The following CGNL1 variants were observed in gnomAD, a reference collection of about 807,000 sequenced individuals.
The protein encoded by CGNL1 is cingulin like 1, also known as cingulin-like protein 1.
In CGNL1, 132 loss-of-function variants were observed where a neutral mutation model predicts 141.2. That is an observed-to-expected ratio of 0.93 (90% CI 0.81 to 1.08). The LOEUF (loss-of-function observed/expected upper bound fraction) is 1.08. Among genes scored for constraint, CGNL1 ranks in the 50% least tolerant of loss-of-function variants. CGNL1 has a pLI of 0.00. For missense variants in CGNL1, 1,870 were observed against 1,588.6 expected, an observed-to-expected ratio of 1.18 and a Z score of -3.01; for synonymous variants, 690 against 622.1, an observed-to-expected ratio of 1.11 and a Z score of -1.63.
intron 1 of CGNL1, among the ~76,000 whole-genome samples, chr15:57,383,196 C>G (rs1371877339): frequency 4.0e-5 from 6 of 151,538 alleles, no homozygotes; most frequent in Admixed American, 2.0e-4. Flanking sequence ...TGGAGAGGAC[C>G]TGATAAAGAA....
chr15:57,505,767 C>A (rs114482025), intron 8 of CGNL1, among the ~76,000 whole-genome samples: 1 of 152,204 alleles, frequency 6.6e-6, no homozygotes, highest in Admixed American at 6.5e-5. Context: ...GCTTTCTATA[C>A]GGAAATTTGG....
At chr15:57,453,036 G>T (rs771636519) in intron 6 of CGNL1, among the ~76,000 whole-genome samples, 31 of 152,280 alleles carry the variant, frequency 2.0e-4, no homozygotes, top group African/African-American at 6.5e-4. Flanking sequence ...AAAATATAGG[G>T]TATAGTAAAA....
At chr15:57,423,909 G>A (rs1474893033) in intron 1 of CGNL1, among the ~76,000 whole-genome samples, 2 of 152,220 alleles carry the variant, frequency 1.3e-5, no homozygotes, top group Non-Finnish European at 2.9e-5. Flanking sequence ...TTGCTGCGGG[G>A]CTGCAGAGCC....
chr15:57,544,427 G>C lies in CGNL1; in HGVS notation c.3376-46G>C, dbSNP rs761516191. 1.1e-5 allele frequency: 17 copies of C among 1,611,884 alleles called. No homozygotes were observed. The Admixed American group carries it at 2.8e-4, about 27-fold the overall frequency. On this transcript the variant is annotated intron_variant, in intron 15 of 18. Coordinates refer to ENST00000281282, the MANE Select transcript of CGNL1 (RefSeq NM_032866.5). ...CATATTCTTCGCTGCTCTGCACAGA[G>C]CGTGGCAGACACATAGCCCCTCACA... is the stretch of plus-strand genomic sequence containing the variant.
chr15:57,514,888 C>G (rs1159769805), intron 8 of CGNL1, among the ~76,000 whole-genome samples: 1 of 152,068 alleles, frequency 6.6e-6, no homozygotes, highest in Non-Finnish European at 1.5e-5. Context: ...TCTTGGCACC[C>G]TTGTTGAAAA....
intron 1 of CGNL1, among the ~76,000 whole-genome samples, chr15:57,432,892 G>T (rs1383672905): frequency 6.6e-6 from 1 of 152,212 alleles, no homozygotes; most frequent in Non-Finnish European, 1.5e-5. Flanking sequence ...AGCTAAGATT[G>T]TAATAAGCCA....
Position 57,542,740 on chromosome 15 carries a change from C to G in CGNL1, c.3292-956C>G, listed in dbSNP as rs143435820. The stretch of plus-strand genomic sequence containing the variant: ...GAGCACAGGTGAATGCTAGCTCCCC[C>G]ATTCCTCGTTATGTACCTCTTGGGG... On this transcript the variant is annotated intron_variant, in intron 14 of 18. Transcript: ENST00000281282. Among the ~76,000 whole-genome samples, 36 of 152,324 alleles carry G rather than the reference C, an allele frequency of 2.4e-4. No individual in the cohort carries two copies. The East Asian group carries it at 5.2e-3, about 22-fold the overall frequency.
At chr15:57,442,735 C>T (rs1156583719) in intron 4 of CGNL1, among the ~76,000 whole-genome samples, 1 of 152,162 alleles carries the variant, frequency 6.6e-6, no homozygotes, top group Non-Finnish European at 1.5e-5. Context: ...CCTCCTACCT[C>T]AGCCTCCCAA....
chr15:57,470,807 G>A (rs1386268615), intron 8 of CGNL1, among the ~76,000 whole-genome samples: 1 of 152,192 alleles, frequency 6.6e-6, no homozygotes, highest in Non-Finnish European at 1.5e-5. Context: ...TGTGGTTGAG[G>A]TATGTGCAGA....
intron 1 of CGNL1, among the ~76,000 whole-genome samples, chr15:57,380,915 G>C (rs2062417422): frequency 1.3e-5 from 2 of 152,200 alleles, no homozygotes; most frequent in Admixed American, 1.3e-4. Flanking sequence ...AGCACTTTTT[G>C]GAGCAAGTGG....
intron 8 of CGNL1, among the ~76,000 whole-genome samples, chr15:57,503,870 C>T (rs760842630): frequency 1.3e-5 from 2 of 152,146 alleles, no homozygotes; most frequent in African/African-American, 2.4e-5. Context: ...GATTCAATTA[C>T]CTTCCCCTGG....
chr15:57,389,662 T>C (rs138139604), intron 1 of CGNL1, among the ~76,000 whole-genome samples: 1 of 152,306 alleles, frequency 6.6e-6, no homozygotes, highest in Non-Finnish European at 1.5e-5. Context: ...GAATGATAAA[T>C]GGACTCAGAT....
intron 1 of CGNL1, among the ~76,000 whole-genome samples, chr15:57,396,674 C>T (rs1250044543): frequency 6.6e-6 from 1 of 152,102 alleles, no homozygotes; most frequent in Non-Finnish European, 1.5e-5. Flanking sequence ...GAGCTGTATT[C>T]TATACTGTGA....
chr15:57,467,943 G>C (rs1476134303), intron 8 of CGNL1, among the ~76,000 whole-genome samples: 1 of 152,082 alleles, frequency 6.6e-6, no homozygotes, highest in East Asian at 1.9e-4. Flanking sequence ...ACCCGCCTTG[G>C]CCTGGCGAAG....
chr15:57,445,421 G>T (rs752540395), intron 4 of CGNL1, among the ~76,000 whole-genome samples: 9 of 152,056 alleles, frequency 5.9e-5, no homozygotes, highest in Non-Finnish European at 1.2e-4. Context: ...TTACTTGCTG[G>T]CAAAGGTTTT....
intron 1 of CGNL1, among the ~76,000 whole-genome samples, chr15:57,391,271 C>G (rs1312101274): frequency 1.3e-5 from 2 of 152,196 alleles, no homozygotes; most frequent in Admixed American, 6.5e-5. Flanking sequence ...TTGGAAGAAG[C>G]CATGTGAGCC....
At chr15:57,476,215 C>T (rs1179720679) in intron 8 of CGNL1, among the ~76,000 whole-genome samples, 2 of 151,928 alleles carry the variant, frequency 1.3e-5, no homozygotes, top group Non-Finnish European at 2.9e-5. Flanking sequence ...TGTAGGCAGG[C>T]CAGGGCGGGT....
intron 1 of CGNL1, among the ~76,000 whole-genome samples, chr15:57,381,610 C>G (rs2062425710): frequency 6.6e-6 from 1 of 152,108 alleles, no homozygotes. Context: ...CGAGAGTACT[C>G]TGGTCTGTCT....
In CGNL1 at chr15:57,461,700, G is replaced by C. The variant is rs138654685; in HGVS notation, c.2211G>C (p.Gln737His). The change falls in exon 8 of 19, where the codon CAG becomes CAC. Residue 737 changes from glutamine (Q) to histidine (H), a missense_variant. Transcript: ENST00000281282. ...TCTAGGAGCTCTTACAGGCAAAACA[G>C]GATCTTCAAGATCTGCTGATTGCCA... ...ALIEELLQAK[Q>H]DLQDLLIAKE... 9.3e-6 allele frequency: 15 copies of C among 1,613,946 alleles called. No individual in the cohort carries two copies. In the African/African-American group the frequency reaches 1.7e-4, roughly 19 times the overall value.
Sources: gnomAD v4.1 joint callset for allele counts (sites outside exome capture counted in the v4.1 genomes callset) on GRCh38, gnomAD v4.1.1 for gene constraint, MANE v1.5 for transcripts, NCBI Gene and HGNC (gene_info 2026-07-23, HGNC 2026-07-21) for gene names.